Variants in MIB1 observed in about 807,000 individuals in gnomAD.
The protein encoded by MIB1 is E3 ubiquitin-protein ligase MIB1.
In MIB1, 278 loss-of-function variants were observed where a neutral mutation model predicts 124.5. The ratio of observed to expected loss-of-function variants is 2.23; its 90% CI spans 2.02 to 2.47. The LOEUF (loss-of-function observed/expected upper bound fraction) is 2.47. Ranked by LOEUF, MIB1 falls within the 30% of genes most tolerant of loss-of-function variation. The pLI, the probability that MIB1 is intolerant of heterozygous loss-of-function variation, is 0.00. For synonymous variants in MIB1, 446 were observed against 429.4 expected, an observed-to-expected ratio of 1.04 and a Z score of -0.48; for missense variants, 957 against 1,254.4, an observed-to-expected ratio of 0.76 and a Z score of 3.58.
At position 21,861,094 on chromosome 18, in the gene MIB1, C is replaced by A. The variant is rs908895829; in HGVS notation, c.2880+2448C>A. Among the ~76,000 whole-genome samples, 4 of 151,988 alleles carry A rather than the reference C, an allele frequency of 2.6e-5. No homozygotes were observed. In the East Asian group the frequency reaches 7.7e-4, roughly 29 times the overall value. ...GTATGAATTTATTAGGCATTTAAAC[C>A]CCCATCTGAAGAGATGAAAACTCTG... is the stretch of plus-strand genomic sequence containing the variant. On this transcript the variant is annotated intron_variant, in intron 20 of 20. Coordinates refer to ENST00000261537, the MANE Select transcript of MIB1 (RefSeq NM_020774.4).
intron 7 of MIB1, among the ~76,000 whole-genome samples, chr18:21,793,137 A>G (rs2041526552): frequency 1.3e-5 from 2 of 152,232 alleles, no homozygotes; most frequent in Admixed American, 6.5e-5. Context: ...ACAGCTAGCA[A>G]ATATTCATTG....
At chr18:21,718,534 C>G (rs1285517524) in intron 1 of MIB1, among the ~76,000 whole-genome samples, 1 of 152,210 alleles carries the variant, frequency 6.6e-6, no homozygotes, top group Non-Finnish European at 1.5e-5. Context: ...TGACTTTGGC[C>G]TCAGATGTCA....
At chr18:21,773,486 G>T (rs892999713) in intron 3 of MIB1, 138 bp from the exon 4 acceptor site, 1 of 602,676 alleles carries the variant, frequency 1.7e-6, no homozygotes, top group South Asian at 2.1e-5. Context: ...GACATATTTG[G>T]CAAATAAGTA....
chr18:21,774,082 C>T (rs759139292), intron 4 of MIB1, among the ~76,000 whole-genome samples: 24 of 152,126 alleles, frequency 1.6e-4, no homozygotes, highest in African/African-American at 4.8e-5. Flanking sequence ...ATTCTGTGCT[C>T]TGGTAGCTTA....
At chr18:21,854,012 T>TA (rs56276526) in intron 18 of MIB1, among the ~76,000 whole-genome samples, 22 of 55,104 alleles carry the variant, frequency 4.0e-4, no homozygotes, top group African/African-American at 1.5e-3. Flanking sequence ...GACTCAGTCT[T>TA]AAAAAAAAAA....
chr18:21,722,067 G>T (rs897723881), intron 1 of MIB1, among the ~76,000 whole-genome samples: 13 of 151,944 alleles, frequency 8.6e-5, no homozygotes, highest in East Asian at 1.9e-4. Flanking sequence ...GTGTGTGTGT[G>T]TTTTTAAGAC....
intron 10 of MIB1, among the ~76,000 whole-genome samples, chr18:21,809,601 A>G (rs559861572): frequency 1.1e-4 from 17 of 152,266 alleles, no homozygotes; most frequent in African/African-American, 4.1e-4. Flanking sequence ...GGTTTAACAT[A>G]GGAAAATCAA....
intron 15 of MIB1, among the ~76,000 whole-genome samples, chr18:21,845,374 A>G (rs1021126953): frequency 2.0e-5 from 3 of 152,134 alleles, no homozygotes; most frequent in African/African-American, 7.2e-5. Context: ...AGTCTAATTT[A>G]TCAAGTTTTT....
chr18:21,753,242 G>A (rs1395122352), intron 1 of MIB1, among the ~76,000 whole-genome samples: 2 of 152,128 alleles, frequency 1.3e-5, no homozygotes, highest in Non-Finnish European at 2.9e-5. Context: ...AGTCTGTAGT[G>A]CAGTGGCATG....
intron 1 of MIB1, among the ~76,000 whole-genome samples, chr18:21,734,620 T>C (rs3017035): frequency 0.87 from 131,545 of 151,904 alleles, 57,451 homozygotes; most frequent in East Asian, 1. Context: ...CCTTTACCTC[T>C]CTGGTTCAAG....
rs998710513 is a variant in MIB1 at position 21,786,321 on chromosome 18, T to C, written c.909-5053T>C. On this transcript the variant is annotated intron_variant, in intron 6 of 20. Transcript: ENST00000261537. ...ACCATGTTAGCGAAGATGGTCTCAA[T>C]CTCCTGACCTTGTGATCCGCCCGCC... 6.6e-5 allele frequency among the ~76,000 whole-genome samples: 10 copies of C among 152,240 alleles called. No individual in the cohort carries two copies. The South Asian group carries it at 1.0e-3, about 16-fold the overall frequency.
Position 21,765,794 on chromosome 18 carries a change from G to GT in MIB1, c.253dup (p.Cys85LeufsTer2). On this transcript the variant is annotated frameshift_variant, in exon 2 of 21. Transcript: ENST00000261537. LOFTEE classifies it high-confidence loss of function. ...TAGGCATCAAGCATGATGGAACCAT[G>GT]TGTGATACCTGCCGCCAGCAACCAA... The GT allele has an allele frequency of 6.2e-7, 1 of 1,614,140 alleles. No homozygotes were observed. The highest frequency in any genetic ancestry group is 8.5e-7 in the Non-Finnish European group (1 of 1,179,978).
chr18:21,748,136 A>G (rs1003238472), intron 1 of MIB1, among the ~76,000 whole-genome samples: 3 of 152,184 alleles, frequency 2.0e-5, no homozygotes, highest in Admixed American at 6.5e-5. Flanking sequence ...GTAGGGATGA[A>G]TGCCAGTTGA....
intron 20 of MIB1, among the ~76,000 whole-genome samples, chr18:21,862,637 T>C (rs991743857): frequency 3.9e-5 from 6 of 152,196 alleles, no homozygotes; most frequent in Admixed American, 2.0e-4. Context: ...TTGATAGTAA[T>C]ACAGTGCAGC....
Position 21,798,221 on chromosome 18 carries a change from A to G in MIB1, c.1230A>G (p.Ala410=). Reference sequence around the variant, plus strand: ...CTGCAGGATCAGCCATTAGCAATGCATCTGGTGGTATGTTTTATATTGTGT... The same window carrying G: ...CTGCAGGATCAGCCATTAGCAATGCGTCTGGTGGTATGTTTTATATTGTGT... ...VASAGSAISN[A]SGERLSQLLK... is the part of the protein sequence containing the mutation. Residue 410 remains alanine (A), a synonymous_variant, in exon 8 of 21, where the codon GCA becomes GCG. Coordinates refer to ENST00000261537, the MANE Select transcript of MIB1 (RefSeq NM_020774.4). 4 of 1,612,960 alleles carry G rather than the reference A, an allele frequency of 2.5e-6. No individual in the cohort carries two copies. The highest frequency in any genetic ancestry group is 3.4e-6 in the Non-Finnish European group (4 of 1,179,170).
intron 20 of MIB1, among the ~76,000 whole-genome samples, chr18:21,860,776 T>A (rs1186414615): frequency 6.6e-6 from 1 of 152,178 alleles, no homozygotes; most frequent in African/African-American, 2.4e-5. Flanking sequence ...GATGTGTACC[T>A]GTAATCCCAG....
chr18:21,817,014 AG>A, intron 11 of MIB1, among the ~76,000 whole-genome samples: 1 of 152,076 alleles, frequency 6.6e-6, no homozygotes, highest in Admixed American at 6.6e-5. Context: ...AAGAGTGATA[AG>A]GACTTGGGGA....
rs150652745 is a variant in MIB1 at position 21,864,652 on chromosome 18, A to C, written c.3007A>C (p.Ile1003Leu). ...PICRKAIERR[I>L]LLY is the part of the protein sequence containing the mutation. ...CTGTCGCAAGGCTATTGAACGAAGG[A>C]TTCTTTTGTATTAACTAAGACACAT... Residue 1003 changes from isoleucine to leucine, a missense_variant, in exon 21 of 21, where the codon ATT becomes CTT. Physicochemically the swap from Ile to Leu is conservative, Grantham distance 5. Coordinates refer to ENST00000261537, the MANE Select transcript of MIB1 (RefSeq NM_020774.4). 1 of 1,613,416 alleles carries C rather than the reference A, an allele frequency of 6.2e-7. No homozygotes were observed. The highest frequency in any genetic ancestry group is 1.1e-5 in the South Asian group (1 of 90,986).
At chr18:21,777,229 G>A (rs2041299622) in intron 4 of MIB1, among the ~76,000 whole-genome samples, 1 of 152,012 alleles carries the variant, frequency 6.6e-6, no homozygotes, top group African/African-American at 2.4e-5. Flanking sequence ...GACCAGCCTG[G>A]CCAAAGTGGT....
Sources: allele counts gnomAD v4.1 joint callset (sites outside exome capture counted in the v4.1 genomes callset), GRCh38; gene constraint gnomAD v4.1.1; transcripts MANE v1.5; gene names NCBI Gene and HGNC (gene_info 2026-07-23, HGNC 2026-07-21).